Variants in ULK4 observed in about 807,000 individuals in gnomAD.
ULK4 encodes the protein inactive serine/threonine-protein kinase ULK4.
Under a neutral mutation model 160.6 loss-of-function variants are expected in ULK4, and 133 were observed. That is an observed-to-expected ratio of 0.83 (90% CI 0.72 to 0.96). The LOEUF is 0.96. ULK4 is among the 40% of genes least tolerant of loss of function. The pLI is 0.00. For synonymous variants in ULK4, 534 were observed against 539.8 expected, an observed-to-expected ratio of 0.99 and a Z score of 0.15; for missense variants, 1,580 against 1,499.5, an observed-to-expected ratio of 1.05 and a Z score of -0.89.
intron 3 of ULK4, among the ~76,000 whole-genome samples, chr3:41,936,327 G>A (rs1699774904): frequency 6.6e-6 from 1 of 152,226 alleles, no homozygotes; most frequent in South Asian, 2.1e-4. Flanking sequence ...GCAAAGTACT[G>A]CATGGCAAAA....
At chr3:41,649,804 T>C (rs1353398731) in intron 30 of ULK4, among the ~76,000 whole-genome samples, 1 of 152,170 alleles carries the variant, frequency 6.6e-6, no homozygotes, top group Non-Finnish European at 1.5e-5. Flanking sequence ...GGATTCCCAG[T>C]GAAACTCCAC....
At chr3:41,527,654 T>G (rs1241072240) in intron 32 of ULK4, among the ~76,000 whole-genome samples, 1 of 152,222 alleles carries the variant, frequency 6.6e-6, no homozygotes, top group Non-Finnish European at 1.5e-5. Context: ...ACGAACAGCT[T>G]TGGCTACTTA....
rs142571765 is a variant in ULK4 at position 41,386,729 on chromosome 3, T to C, written c.3678+11350A>G. On this transcript the variant is annotated intron_variant, in intron 35 of 36. Transcript: ENST00000301831. ...TCTTGCAATGGTTCTGGATCATACATCCTTATATGGAATCAAACTGCAGAT... is the reference window on the plus strand; with the variant it reads ...TCTTGCAATGGTTCTGGATCATACACCCTTATATGGAATCAAACTGCAGAT... Among the ~76,000 whole-genome samples, 383 of 152,298 alleles carry C rather than the reference T, an allele frequency of 2.5e-3. 3 individuals carry two copies. The highest frequency in any genetic ancestry group is 4.5e-3 in the Non-Finnish European group (306 of 68,032).
chr3:41,923,927 C>A (rs896457013), intron 5 of ULK4, among the ~76,000 whole-genome samples: 9 of 152,156 alleles, frequency 5.9e-5, no homozygotes, highest in Admixed American at 5.2e-4. Flanking sequence ...ATTTATATAA[C>A]TTTTCTGTCC....
intron 32 of ULK4, among the ~76,000 whole-genome samples, chr3:41,559,190 T>A (rs1343003547): frequency 6.8e-6 from 1 of 147,334 alleles, no homozygotes; most frequent in African/African-American, 2.5e-5. Context: ...TCCATGTCCC[T>A]ACAAAGGACA....
intron 32 of ULK4, among the ~76,000 whole-genome samples, chr3:41,484,525 T>C (rs1470677855): frequency 6.8e-6 from 1 of 147,174 alleles, no homozygotes; most frequent in Non-Finnish European, 1.5e-5. Context: ...CAATCTCGGC[T>C]CACTGCAAGC....
intron 33 of ULK4, among the ~76,000 whole-genome samples, chr3:41,458,033 C>G (rs1292941189): frequency 3.9e-5 from 6 of 152,122 alleles, no homozygotes; most frequent in African/African-American, 1.2e-4. Context: ...TTTAAGAACG[C>G]CTCCAGGTTT....
chr3:41,806,672 C>G (rs1441396688), intron 19 of ULK4, among the ~76,000 whole-genome samples: 1 of 152,036 alleles, frequency 6.6e-6, no homozygotes, highest in Admixed American at 6.6e-5. Flanking sequence ...CCCAGAGATT[C>G]TGGTATGTTG....
intron 27 of ULK4, among the ~76,000 whole-genome samples, chr3:41,696,187 C>T (rs74793442): frequency 3.9e-5 from 6 of 152,308 alleles, no homozygotes; most frequent in East Asian, 1.9e-4. Context: ...CAGGCCCACC[C>T]GCAGTTATCC....
intron 35 of ULK4, among the ~76,000 whole-genome samples, chr3:41,332,690 A>G (rs1159094988): frequency 6.6e-6 from 1 of 152,198 alleles, no homozygotes; most frequent in Non-Finnish European, 1.5e-5. Flanking sequence ...GTATATGTGC[A>G]GGTTTGTTAT....
At chr3:41,524,779 T>C (rs1368966654) in intron 32 of ULK4, among the ~76,000 whole-genome samples, 1 of 151,758 alleles carries the variant, frequency 6.6e-6, no homozygotes, top group Non-Finnish European at 1.5e-5. Flanking sequence ...CTCTATAAAA[T>C]ACAAAAAAAT....
chr3:41,256,483 G>C (rs1163770430), intron 35 of ULK4, among the ~76,000 whole-genome samples: 1 of 152,182 alleles, frequency 6.6e-6, no homozygotes, highest in Non-Finnish European at 1.5e-5. Flanking sequence ...AATTCAAGGA[G>C]GGAAGAACAG....
intron 30 of ULK4, among the ~76,000 whole-genome samples, chr3:41,620,436 T>A (rs953610616): frequency 6.6e-6 from 1 of 152,178 alleles, no homozygotes; most frequent in East Asian, 1.9e-4. Context: ...GTTGGCTTCA[T>A]CCCTGGGATG....
chr3:41,955,973 G>A (rs922507062), intron 1 of ULK4, among the ~76,000 whole-genome samples: 2 of 152,124 alleles, frequency 1.3e-5, no homozygotes, highest in African/African-American at 4.8e-5. Context: ...GGAGAACAGG[G>A]TCTGGAGGCA....
intron 32 of ULK4, among the ~76,000 whole-genome samples, chr3:41,563,929 G>A (rs1426786888): frequency 1.3e-5 from 2 of 152,176 alleles, no homozygotes; most frequent in African/African-American, 4.8e-5. Flanking sequence ...ATCCTTTGGA[G>A]GAGAAAAGGT....
chr3:41,576,081 T>C (rs955943832), intron 31 of ULK4, among the ~76,000 whole-genome samples: 3 of 152,192 alleles, frequency 2.0e-5, no homozygotes, highest in Non-Finnish European at 4.4e-5. Context: ...TCTGAGCTAA[T>C]GACCAGCCCA....
chr3:41,595,523 G>C (rs958705741), intron 31 of ULK4, among the ~76,000 whole-genome samples: 2 of 152,196 alleles, frequency 1.3e-5, no homozygotes, highest in Non-Finnish European at 2.9e-5. Context: ...AAAAGAAAAG[G>C]TGTTCCAAGA....
chr3:41,306,747 C>G (rs865980067), intron 35 of ULK4, among the ~76,000 whole-genome samples: 1 of 151,332 alleles, frequency 6.6e-6, no homozygotes, highest in Non-Finnish European at 1.5e-5. Flanking sequence ...GGATGGTTGC[C>G]GTGTCTGTGT....
chr3:41,668,842 G>A (rs966128735), intron 29 of ULK4, among the ~76,000 whole-genome samples: 3 of 152,054 alleles, frequency 2.0e-5, no homozygotes, highest in Non-Finnish European at 4.4e-5. Flanking sequence ...GGCCTCTTTA[G>A]CATAACAAAT....
Sources: allele counts gnomAD v4.1 joint callset (sites outside exome capture counted in the v4.1 genomes callset), GRCh38; gene constraint gnomAD v4.1.1; transcripts MANE v1.5; gene names NCBI Gene and HGNC (gene_info 2026-07-23, HGNC 2026-07-21).